The following ACOT7 variants were observed in gnomAD, a reference collection of about 807,000 sequenced individuals.
The protein encoded by ACOT7 is cytosolic acyl coenzyme A thioester hydrolase.
In ACOT7, 12 loss-of-function variants were observed where a neutral mutation model predicts 40.2. That is an observed-to-expected ratio of 0.30 (90% CI 0.19 to 0.48). The LOEUF is 0.48. ACOT7 is among the 20% of genes least tolerant of loss of function. The probability of loss-of-function intolerance (pLI) is 0.99; values close to 1 mark genes in which losing one functional copy is unlikely to be tolerated. For missense variants in ACOT7, 395 were observed against 530.8 expected (o/e 0.74, Z 2.51); for synonymous variants, 228 against 219.5 (o/e 1.04, Z -0.34).
chr1:6,380,790 A>G (rs956020426), intron 1 of ACOT7, among the ~76,000 whole-genome samples: 3 of 151,722 alleles, frequency 2.0e-5, no homozygotes, highest in Admixed American at 1.3e-4. Flanking sequence ...AGAAGAAAAC[A>G]TAAGGCTAAA....
intron 7 of ACOT7, among the ~76,000 whole-genome samples, chr1:6,292,715 T>C (rs1639704992): frequency 6.7e-6 from 1 of 149,516 alleles, no homozygotes; most frequent in South Asian, 2.1e-4. Context: ...AGATTCTTGC[T>C]CTGTTGCCCA....
At chr1:6,385,829 C>A in intron 1 of ACOT7, 3 of 1,402,086 alleles carry the variant, frequency 2.1e-6, no homozygotes, top group Non-Finnish European at 2.8e-6. Context: ...CCCCCACCAG[C>A]CCCCGGCAAG....
At chr1:6,333,705 C>A in intron 3 of ACOT7, 137 bp from the exon 4 acceptor site, 1 of 762,874 alleles carries the variant, frequency 1.3e-6, no homozygotes, top group Non-Finnish European at 2.1e-6. Flanking sequence ...ACCTCTCTGG[C>A]CCCCAACCCC....
In ACOT7 at chr1:6,355,814, A is replaced by T. The variant is rs1641727324; in HGVS notation, c.144-5948T>A. On this transcript the variant is annotated intron_variant, in intron 1 of 8. Transcript: ENST00000361521. The surrounding 1 kb of genome is among the most constrained non-coding windows in gnomAD (Gnocchi z 5.0). ...GGGGTCCAGCCCACATCCTCGCAGG[A>T]CAGCCCGAGCCTGTTCCGCAGCGGG... is the stretch of plus-strand genomic sequence containing the variant. 6.6e-6 allele frequency among the ~76,000 whole-genome samples: 1 copy of T among 152,160 alleles called. No homozygotes were observed. Among genetic ancestry groups the T allele is most frequent in the East Asian group, 1.9e-4 (1 of 5,180 alleles).
intron 6 of ACOT7, 182 bp from the exon 7 acceptor site, chr1:6,295,162 T>A: frequency 1.2e-5 from 6 of 480,420 alleles, no homozygotes; most frequent in Non-Finnish European, 1.9e-5. Context: ...TGGGGCTTCC[T>A]CAGGAGATTT....
intron 1 of ACOT7, among the ~76,000 whole-genome samples, chr1:6,382,482 G>A (rs912101355): frequency 5.9e-5 from 9 of 151,818 alleles, no homozygotes; most frequent in Admixed American, 2.0e-4. Flanking sequence ...ATAGTGAGAC[G>A]TAGTGGGTGA....
chr1:6,353,593 C>T (rs1641656794), intron 1 of ACOT7, among the ~76,000 whole-genome samples: 1 of 152,226 alleles, frequency 6.6e-6, no homozygotes, highest in African/African-American at 2.4e-5. Context: ...GAGATCATGC[C>T]ACTGCACTCC....
chr1:6,264,481 A>C lies in ACOT7; in HGVS notation c.*116T>G. The C allele has an allele frequency of 1.1e-6, 1 of 922,720 alleles. No homozygotes were observed. The highest frequency in any genetic ancestry group is 1.6e-6 in the Non-Finnish European group (1 of 618,560). 57.2% of individuals were successfully genotyped at this position (922,720 alleles called of 1,614,324 possible). A position where few individuals can be genotyped will look rare whatever the true frequency, so the allele number is the denominator to read the frequency against. On this transcript the variant is annotated 3_prime_UTR_variant, in exon 9 of 9. Coordinates refer to ENST00000361521, the MANE Select transcript of ACOT7 (RefSeq NM_007274.4). ...TAACACTGTGATACGAAAACTTCAG[A>C]CAACACCAGCTCTCAATGTGAATTG...
At position 6,370,377 on chromosome 1, in the gene ACOT7, C is replaced by T. The variant is rs1158115747; in HGVS notation, c.144-20511G>A. 2.0e-5 allele frequency among the ~76,000 whole-genome samples: 3 copies of T among 151,900 alleles called. No homozygotes were observed. In the East Asian group the frequency reaches 5.8e-4, roughly 29 times the overall value. On this transcript the variant is annotated intron_variant, in intron 1 of 8. Transcript: ENST00000361521. ...ACACAAATGGACTAAAGCCAGCAGG[C>T]ACGAAAACAAAATTAATCTCCTTGT...
chr1:6,389,439 C>T (rs966846918), intron 1 of ACOT7, among the ~76,000 whole-genome samples: 2 of 152,130 alleles, frequency 1.3e-5, no homozygotes, highest in Admixed American at 1.3e-4. Context: ...CCTTTAGGAA[C>T]ACCCTGCCCC....
intron 8 of ACOT7, among the ~76,000 whole-genome samples, chr1:6,266,986 G>T (rs1638870820): frequency 6.6e-6 from 1 of 152,246 alleles, no homozygotes; most frequent in Admixed American, 6.5e-5. Context: ...TCGCACTCAG[G>T]CGCCTCCCAG....
chr1:6,372,829 C>T (rs1229182627), intron 1 of ACOT7, among the ~76,000 whole-genome samples: 4 of 152,142 alleles, frequency 2.6e-5, no homozygotes, highest in African/African-American at 9.7e-5. Flanking sequence ...GAATTATAGG[C>T]ATGTGCCACC....
chr1:6,369,932 T>C (rs539476846), intron 1 of ACOT7, among the ~76,000 whole-genome samples: 4 of 152,318 alleles, frequency 2.6e-5, no homozygotes, highest in Admixed American at 2.6e-4. Flanking sequence ...GCAGAATGGA[T>C]GTTGAGTTAA....
Position 6,306,475 on chromosome 1 carries a change from G to C in ACOT7, c.713-11495C>G. Reference sequence around the variant, plus strand: ...GGGTTGACACCATCTCGGGGTTCAAGGTTCAAGTTCACCAGTCCCCACGTC... The same window carrying C: ...GGGTTGACACCATCTCGGGGTTCAACGTTCAAGTTCACCAGTCCCCACGTC... On this transcript the variant is annotated intron_variant, in intron 6 of 8. Transcript: ENST00000361521. This position sits in a 1 kb window ranked among gnomAD's most constrained non-coding sequence, Gnocchi z 4.3. The C allele has an allele frequency of 1.0e-6, 1 of 985,312 alleles. No homozygotes were observed. The allele number at this position is 985,312 out of a possible 1,614,324, so 61.0% of individuals were successfully genotyped here. A position where few individuals can be genotyped will look rare whatever the true frequency, so the allele number is the denominator to read the frequency against.
At chr1:6,280,144 C>T (rs1321633833) in intron 8 of ACOT7, among the ~76,000 whole-genome samples, 1 of 152,246 alleles carries the variant, frequency 6.6e-6, no homozygotes, top group South Asian at 2.1e-4. Flanking sequence ...AGAACGCCAG[C>T]TCCCAAGAGG....
In ACOT7 at chr1:6,365,301, T is replaced by C. The variant is rs150188460; in HGVS notation, c.144-15435A>G. Among the ~76,000 whole-genome samples the C allele has an allele frequency of 3.2e-4, 48 of 152,264 alleles. 1 individual carries two copies. In the South Asian group the frequency reaches 8.9e-3, roughly 28 times the overall value. ...AAGGCTTCACAGGCTCACACAGGCA[T>C]ACCTCAGAGATATTACGGGTTTGGT... On this transcript the variant is annotated intron_variant, in intron 1 of 8. Transcript: ENST00000361521.
At chr1:6,385,813 G>A (rs993579214) in intron 1 of ACOT7, 69 of 1,408,384 alleles carry the variant, frequency 4.9e-5, no homozygotes, top group Admixed American at 6.0e-5. Context: ...TCCTAGGACC[G>A]CCCCTCCCCC....
intron 7 of ACOT7, among the ~76,000 whole-genome samples, chr1:6,291,594 G>A (rs1415876983): frequency 6.6e-6 from 1 of 152,232 alleles, no homozygotes; most frequent in African/African-American, 2.4e-5. Flanking sequence ...CCCGAGGTGA[G>A]GTTTCTGTGC....
intron 8 of ACOT7, among the ~76,000 whole-genome samples, chr1:6,265,329 T>C (rs75157532): frequency 0.015 from 2,235 of 152,152 alleles, 22 homozygotes; most frequent in Non-Finnish European, 0.024. Flanking sequence ...CACACGGCCA[T>C]TGCCCCAGCG....
Sources: allele counts gnomAD v4.1 joint callset (sites outside exome capture counted in the v4.1 genomes callset), GRCh38; gene constraint gnomAD v4.1.1; non-coding constraint Gnocchi (gnomAD v3.1); transcripts MANE v1.5; gene names NCBI Gene and HGNC (gene_info 2026-07-23, HGNC 2026-07-21).